Variants in ST13 observed in about 807,000 individuals in gnomAD.
ST13 encodes ST13 Hsp70 interacting protein.
In ST13, 23 loss-of-function variants were observed where a neutral mutation model predicts 56.7. The observed-to-expected ratio is 0.41, with a 90% confidence interval of 0.29 to 0.57. The LOEUF (loss-of-function observed/expected upper bound fraction) is 0.57. Ranked by LOEUF, ST13 falls within the 20% of genes least tolerant of loss-of-function variation. The probability of loss-of-function intolerance (pLI) is 0.36; values close to 1 mark genes in which losing one functional copy is unlikely to be tolerated. For synonymous variants in ST13, 132 were observed against 142.4 expected (o/e 0.93, Z 0.52); for missense variants, 369 against 459.9 (o/e 0.80, Z 1.81).
chr22:40,832,566 T>C lies in ST13; in HGVS notation c.681+3A>G, dbSNP rs1253979273. 1.2e-6 allele frequency: 2 copies of C among 1,605,266 alleles called. No individual in the cohort carries two copies. The highest frequency in any genetic ancestry group is 1.7e-6 in the Non-Finnish European group (2 of 1,175,642). ...GACTTTCCCTTTCTCTACTTTGACATACCCTAGGTTGAACTTCTTTCAGCA... is the reference window on the plus strand; with the variant it reads ...GACTTTCCCTTTCTCTACTTTGACACACCCTAGGTTGAACTTCTTTCAGCA... On this transcript the variant is annotated splice_donor_region_variant and intron_variant, in intron 8 of 11. Coordinates refer to ENST00000216218, the MANE Select transcript of ST13 (RefSeq NM_003932.5).
At chr22:40,847,345 CCAACATGG>C (rs1228163611) in intron 3 of ST13, among the ~76,000 whole-genome samples, 15 of 151,196 alleles carry the variant, frequency 9.9e-5, no homozygotes, top group African/African-American at 2.9e-4. Context: ...ACCAGCCTGA[CCAACATGG>C]CAACATGGCA....
chr22:40,838,179 G>A (rs572605883), intron 5 of ST13, among the ~76,000 whole-genome samples: 10 of 152,256 alleles, frequency 6.6e-5, no homozygotes, highest in East Asian at 3.9e-4. Flanking sequence ...AGTGCCAGAC[G>A]TGGGATTCAA....
chr22:40,831,511 G>T (rs2057753931), intron 8 of ST13, among the ~76,000 whole-genome samples: 1 of 152,280 alleles, frequency 6.6e-6, no homozygotes, highest in African/African-American at 2.4e-5. Context: ...AAATGCTCTG[G>T]ATGTTATTTC....
intron 11 of ST13, 70 bp from the exon 12 acceptor site, chr22:40,826,736 C>T: frequency 6.4e-7 from 1 of 1,550,458 alleles, no homozygotes; most frequent in Admixed American, 1.8e-5. Flanking sequence ...ATCCTAAATT[C>T]CATCTCTTAT....
chr22:40,855,297 A>T (rs982729611), intron 1 of ST13, among the ~76,000 whole-genome samples: 5 of 152,182 alleles, frequency 3.3e-5, no homozygotes, highest in Admixed American at 1.3e-4. Context: ...CAAAAAAATT[A>T]AATTAGCCAA....
chr22:40,841,615 G>GT (rs2057804880), intron 4 of ST13, among the ~76,000 whole-genome samples: 1 of 151,976 alleles, frequency 6.6e-6, no homozygotes, highest in South Asian at 2.1e-4. Context: ...TAAAAATAAT[G>GT]TTTTATTTAA....
chr22:40,850,592 G>A (rs1360966249), intron 2 of ST13, among the ~76,000 whole-genome samples: 1 of 152,170 alleles, frequency 6.6e-6, no homozygotes, highest in Non-Finnish European at 1.5e-5. Context: ...AACTTTTATT[G>A]TCATGTATTC....
chr22:40,840,597 C>T, intron 5 of ST13, 29 bp downstream of exon 5: 1 of 1,593,936 alleles, frequency 6.3e-7, no homozygotes, highest in Non-Finnish European at 8.6e-7. Flanking sequence ...TTCTGACTAC[C>T]ATAGAAATGT....
At chr22:40,850,799 C>T in intron 2 of ST13, 24 bp downstream of exon 2, 5 of 1,571,284 alleles carry the variant, frequency 3.2e-6, no homozygotes, top group Non-Finnish European at 3.5e-6. Flanking sequence ...TATCACAAAA[C>T]ATACAAATGA....
At chr22:40,832,219 A>G in intron 8 of ST13, 1 of 474,248 alleles carries the variant, frequency 2.1e-6, no homozygotes, top group Non-Finnish European at 4.4e-6. Flanking sequence ...GTACACACCT[A>G]TGATAAATAA....
In ST13 at chr22:40,856,597, G is replaced by T; in HGVS notation, c.-57C>A. The T allele has an allele frequency of 1.4e-6, 2 of 1,467,668 alleles. No homozygotes were observed. Among genetic ancestry groups the T allele is most frequent in the Non-Finnish European group, 1.9e-6 (2 of 1,051,408 alleles). 90.9% of individuals were successfully genotyped at this position (1,467,668 alleles called of 1,614,324 possible). On this transcript the variant is annotated 5_prime_UTR_variant, in exon 1 of 12. Transcript: ENST00000216218. ...CTACGGCCCGGTTCCAGGCCCAGGCGCTGGCTCGGCGTGACCGCGCAGAAG... is the reference window on the plus strand; with the variant it reads ...CTACGGCCCGGTTCCAGGCCCAGGCTCTGGCTCGGCGTGACCGCGCAGAAG...
intron 4 of ST13, among the ~76,000 whole-genome samples, chr22:40,844,028 G>A (rs1018064017): frequency 2.0e-4 from 31 of 151,896 alleles, no homozygotes; most frequent in African/African-American, 7.0e-4. Context: ...GATTACAGGC[G>A]TGCACCATCA....
At chr22:40,854,870 C>T (rs887001608) in intron 1 of ST13, among the ~76,000 whole-genome samples, 7 of 152,190 alleles carry the variant, frequency 4.6e-5, no homozygotes, top group Non-Finnish European at 1.0e-4. Context: ...ACCTAGCCCT[C>T]AATTCCTAAT....
At chr22:40,852,453 T>C (rs75363683) in intron 1 of ST13, among the ~76,000 whole-genome samples, 21 of 152,352 alleles carry the variant, frequency 1.4e-4, no homozygotes, top group African/African-American at 5.1e-4. Flanking sequence ...TGCAAATATT[T>C]TCTCCCACCC....
intron 1 of ST13, 124 bp downstream of exon 1, chr22:40,856,307 C>T: frequency 1.2e-6 from 1 of 828,892 alleles, no homozygotes; most frequent in East Asian, 2.5e-5. Context: ...AAGTTGCCTC[C>T]CTTTCCCGGG....
intron 3 of ST13, among the ~76,000 whole-genome samples, chr22:40,847,022 A>C (rs968542113): frequency 4.6e-5 from 7 of 152,102 alleles, no homozygotes; most frequent in African/African-American, 9.7e-5. Flanking sequence ...AAAACAACAA[A>C]AAAAAACTGA....
intron 1 of ST13, among the ~76,000 whole-genome samples, chr22:40,852,684 CAT>C (rs1486850668): frequency 1.3e-5 from 2 of 152,172 alleles, no homozygotes; most frequent in Non-Finnish European, 2.9e-5. Flanking sequence ...CCATGTCAAA[CAT>C]AAAGATTATA....
chr22:40,845,719 T>TTA (rs1008175680), intron 3 of ST13, among the ~76,000 whole-genome samples: 39 of 148,546 alleles, frequency 2.6e-4, no homozygotes, highest in South Asian at 1.3e-3. Flanking sequence ...AAAACGAGTT[T>TTA]TATATATATA....
chr22:40,827,012 T>A (rs1568997594), intron 11 of ST13, 84 bp downstream of exon 11: 1 of 1,436,486 alleles, frequency 7.0e-7, no homozygotes, highest in Admixed American at 2.2e-5. Flanking sequence ...AAAATAGCTA[T>A]GAGAGTAACC....
Sources: allele counts gnomAD v4.1 joint callset (sites outside exome capture counted in the v4.1 genomes callset), GRCh38; gene constraint gnomAD v4.1.1; transcripts MANE v1.5; gene names NCBI Gene and HGNC (gene_info 2026-07-23, HGNC 2026-07-21).